TNR: variants seen among roughly 807,000 people sequenced by gnomAD.
The protein encoded by TNR is tenascin-R.
Under a neutral mutation model 150.4 loss-of-function variants are expected in TNR, and 45 were observed. The observed-to-expected ratio is 0.30, with a 90% CI of 0.24 to 0.38. TNR has a LOEUF of 0.38. Ranked by LOEUF, TNR falls within the 10% of genes least tolerant of loss-of-function variation. The pLI, the probability that TNR is intolerant of heterozygous loss-of-function variation, is 1.00. For synonymous variants in TNR, 687 were observed against 678.4 expected, an observed-to-expected ratio of 1.01 and a Z score of -0.20; for missense variants, 1,544 against 1,759.1, an observed-to-expected ratio of 0.88 and a Z score of 2.19.
chr1:175,405,466 C>G (rs1435001338), intron 3 of TNR, among the ~76,000 whole-genome samples: 1 of 152,170 alleles, frequency 6.6e-6, no homozygotes, highest in African/African-American at 2.4e-5. Flanking sequence ...GTAAAGGTAA[C>G]TCACAAGGGT....
At chr1:175,492,364 G>A (rs1225976359) in intron 2 of TNR, among the ~76,000 whole-genome samples, 2 of 152,200 alleles carry the variant, frequency 1.3e-5, no homozygotes, top group Admixed American at 6.5e-5. Context: ...ATGCAGGTGG[G>A]TTTTCTGATA....
intron 5 of TNR, among the ~76,000 whole-genome samples, chr1:175,395,998 T>C (rs1653408615): frequency 6.6e-6 from 1 of 152,224 alleles, no homozygotes; most frequent in African/African-American, 2.4e-5. Context: ...GGGCTTCAAC[T>C]TTTATAACTA....
In TNR at chr1:175,319,365, C is replaced by T. The variant is rs1405383205; in HGVS notation, c.*3992G>A. 1 of 152,232 alleles carries T rather than the reference C, an allele frequency of 6.6e-6. No homozygotes were observed. The highest frequency in any genetic ancestry group is 1.9e-4 in the East Asian group (1 of 5,202). The allele number at this position is 152,232 out of a possible 1,614,324, so 9.4% of individuals were successfully genotyped here. ...AACTCTTTCCCAACTGATGCTTTTA[C>T]AAGAGCTATTTGAAAAGATTCCACA... On this transcript the variant is annotated 3_prime_UTR_variant, in exon 23 of 23. Coordinates refer to ENST00000367674, the MANE Select transcript of TNR (RefSeq NM_003285.3).
chr1:175,446,430 A>G (rs1378706991), intron 2 of TNR, among the ~76,000 whole-genome samples: 1 of 152,168 alleles, frequency 6.6e-6, no homozygotes, highest in Non-Finnish European at 1.5e-5. Context: ...AAATTTCTGA[A>G]ATAAGGGTTG....
At chr1:175,701,951 T>C (rs1666709373) in intron 1 of TNR, among the ~76,000 whole-genome samples, 1 of 152,218 alleles carries the variant, frequency 6.6e-6, no homozygotes, top group African/African-American at 2.4e-5. Flanking sequence ...AACACAGATA[T>C]TTGGCAGTCG....
Position 175,319,070 on chromosome 1 carries a change from G to C in TNR, c.*4287C>G, listed in dbSNP as rs1007553314. On this transcript the variant is annotated 3_prime_UTR_variant, in exon 23 of 23. Coordinates refer to ENST00000367674, the MANE Select transcript of TNR (RefSeq NM_003285.3). ...CTACCTCCTTGGAAGAAAAGACATG[G>C]AACTAAGAAATCAGATTGACTAGTA... 6.6e-6 allele frequency: 1 copy of C among 152,150 alleles called. No individual in the cohort carries two copies. Among genetic ancestry groups the C allele is most frequent in the African/African-American group, 2.4e-5 (1 of 41,432 alleles). 9.4% of individuals were successfully genotyped at this position (152,150 alleles called of 1,614,324 possible). A position where few individuals can be genotyped will look rare whatever the true frequency, so the allele number is the denominator to read the frequency against.
At chr1:175,570,311 A>G (rs1014562724) in intron 1 of TNR, among the ~76,000 whole-genome samples, 8 of 152,152 alleles carry the variant, frequency 5.3e-5, no homozygotes, top group African/African-American at 1.7e-4. Context: ...TCACCCCTCA[A>G]ACTCTGATTA....
intron 2 of TNR, among the ~76,000 whole-genome samples, chr1:175,515,441 A>G (rs540009474): frequency 6.9e-4 from 105 of 152,202 alleles, no homozygotes; most frequent in Non-Finnish European, 1.1e-3. Context: ...AGAGGGTTTG[A>G]GGAGGAGGCA....
intron 16 of TNR, 120 bp downstream of exon 16, chr1:175,356,199 G>T: frequency 7.2e-7 from 1 of 1,384,696 alleles, no homozygotes; most frequent in Non-Finnish European, 9.9e-7. Context: ...GTCCAAATAA[G>T]AACAGCTCAT....
At chr1:175,372,520 G>T (rs1179413700) in intron 9 of TNR, among the ~76,000 whole-genome samples, 3 of 152,226 alleles carry the variant, frequency 2.0e-5, no homozygotes, top group Admixed American at 6.5e-5. Flanking sequence ...GGCATAATGA[G>T]CATTCATAGA....
intron 1 of TNR, among the ~76,000 whole-genome samples, chr1:175,683,949 A>G (rs1019616068): frequency 2.6e-4 from 39 of 152,184 alleles, no homozygotes; most frequent in African/African-American, 8.9e-4. Flanking sequence ...TGACTGTGGG[A>G]GCCAGTCCCA....
chr1:175,513,728 G>T (rs1659287662), intron 2 of TNR, among the ~76,000 whole-genome samples: 1 of 152,192 alleles, frequency 6.6e-6, no homozygotes, highest in South Asian at 2.1e-4. Context: ...GGGCTCCTCA[G>T]GACCCCTTCC....
chr1:175,345,859 A>G (rs904781189), intron 18 of TNR, among the ~76,000 whole-genome samples: 3 of 152,208 alleles, frequency 2.0e-5, no homozygotes, highest in African/African-American at 7.2e-5. Flanking sequence ...AAAAACATAA[A>G]TGAACTTCAA....
chr1:175,452,134 T>C (rs565867283), intron 2 of TNR, among the ~76,000 whole-genome samples: 52 of 152,300 alleles, frequency 3.4e-4, no homozygotes, highest in Middle Eastern at 3.4e-3. Flanking sequence ...CTCCCTTCTG[T>C]CAGCTTCCTT....
intron 1 of TNR, among the ~76,000 whole-genome samples, chr1:175,587,165 A>G (rs184826134): frequency 1.3e-5 from 2 of 152,368 alleles, no homozygotes; most frequent in East Asian, 3.9e-4. Context: ...TCCATGTCCC[A>G]GTGCAGCTTG....
chr1:175,595,764 G>C (rs1332258294), intron 1 of TNR, among the ~76,000 whole-genome samples: 2 of 152,204 alleles, frequency 1.3e-5, no homozygotes, highest in African/African-American at 4.8e-5. Context: ...TCGTTAGCTA[G>C]TTAAAAAAAT....
At chr1:175,714,036 TC>T (rs945494443) in intron 1 of TNR, among the ~76,000 whole-genome samples, 2 of 152,016 alleles carry the variant, frequency 1.3e-5, no homozygotes, top group Non-Finnish European at 2.9e-5. Context: ...GTCTCTTTTC[TC>T]CCTTGTTGAT....
intron 1 of TNR, among the ~76,000 whole-genome samples, chr1:175,567,357 T>C (rs965110671): frequency 1.3e-4 from 20 of 152,246 alleles, no homozygotes; most frequent in Non-Finnish European, 2.5e-4. Flanking sequence ...TGGGCTAGCA[T>C]GTGCACAATG....
chr1:175,475,138 CCAT>C (rs1657489548), intron 2 of TNR, among the ~76,000 whole-genome samples: 1 of 152,180 alleles, frequency 6.6e-6, no homozygotes, highest in Admixed American at 6.5e-5. Flanking sequence ...CCCACCACCA[CCAT>C]GTCCCCTGAC....
Sources: gnomAD v4.1 joint callset for allele counts (sites outside exome capture counted in the v4.1 genomes callset) on GRCh38, gnomAD v4.1.1 for gene constraint, MANE v1.5 for transcripts, NCBI Gene and HGNC (gene_info 2026-07-23, HGNC 2026-07-21) for gene names.